CLEC12B: variants seen among roughly 807,000 people sequenced by gnomAD.
CLEC12B encodes the protein macrophage antigen h.
In CLEC12B, 25 loss-of-function variants were observed where a neutral mutation model predicts 36.1. The observed-to-expected ratio is 0.69, with a 90% confidence interval of 0.50 to 0.97. CLEC12B has a LOEUF of 0.97. Among genes scored for constraint, CLEC12B ranks in the 50% least tolerant of loss-of-function variants. CLEC12B has a pLI of 0.00. For missense variants in CLEC12B, 325 were observed against 318.4 expected (o/e 1.02, Z -0.16); for synonymous variants, 110 against 108.5 (o/e 1.01, Z -0.09).
In CLEC12B at chr12:10,017,851, T is replaced by C. The variant is rs556532472; in HGVS notation, c.681-480T>C. 1.9e-5 allele frequency: 18 copies of C among 971,912 alleles called. No homozygotes were observed. In the East Asian group the frequency reaches 9.1e-4, roughly 49 times the overall value. The allele number at this position is 971,912 out of a possible 1,614,324, so 60.2% of individuals were successfully genotyped here. On this transcript the variant is annotated intron_variant, in intron 5 of 5. Transcript: ENST00000338896. The stretch of plus-strand genomic sequence containing the variant: ...TATCTATATAGTCAATCATTTCCTC[T>C]TTTAACGTCTGTCTTGTTCTCTTTT...
rs767598966 is a variant in CLEC12B at position 10,012,855 on chromosome 12, G to A, written c.162G>A (p.Leu54=). ...LGLVTLCLML[L]IGLVTLGMMF... ...TGGTAACTCTTTGCCTGATGTTGCT[G>A]ATTGGGCTGGTGACATTGGGGATGA... The change falls in exon 2 of 6, where the codon CTG becomes CTA. Residue 54 remains leucine (L), a synonymous_variant. Transcript: ENST00000338896. 2 of 1,613,716 alleles carry A rather than the reference G, an allele frequency of 1.2e-6. No individual in the cohort carries two copies. Among genetic ancestry groups the A allele is most frequent in the Non-Finnish European group, 1.7e-6 (2 of 1,179,686 alleles).
intron 3 of CLEC12B, 109 bp downstream of exon 3, chr12:10,014,850 C>A (rs1236939840): frequency 2.8e-6 from 2 of 719,148 alleles, no homozygotes; most frequent in Non-Finnish European, 4.7e-6. Flanking sequence ...ATCCAGTGAA[C>A]CTTAATGATG....
At chr12:10,015,856 T>C in intron 5 of CLEC12B, 129 bp downstream of exon 5, 1 of 1,499,392 alleles carries the variant, frequency 6.7e-7, no homozygotes, top group Non-Finnish European at 8.9e-7. Context: ...AGAGCTCCAG[T>C]AACAAATATT....
At chr12:10,009,561 G>GA (rs61525971), upstream of CLEC12B, among the ~76,000 whole-genome samples, 35,487 of 133,004 alleles carry the variant, frequency 0.27, 4,654 homozygotes, top group East Asian at 0.51. Flanking sequence ...TCATCAATTT[G>GA]AAAAAAAAAA....
chr12:10,012,815 A>C lies in CLEC12B; in HGVS notation c.122A>C (p.His41Pro), dbSNP rs745402092. The C allele has an allele frequency of 1.2e-6, 2 of 1,613,772 alleles. No homozygotes were observed. Among genetic ancestry groups the C allele is most frequent in the South Asian group, 2.2e-5 (2 of 91,066 alleles). Reference sequence around the variant, plus strand: ...CCAGCTCCATCTCCCATTTGGCGTCATGCTGCTCTGGGTCTGGTAACTCTT... The same window carrying C: ...CCAGCTCCATCTCCCATTTGGCGTCCTGCTGCTCTGGGTCTGGTAACTCTT... ...GHPAPSPIWRHAALGLVTLCL... is the reference protein window; with the variant it reads ...GHPAPSPIWRPAALGLVTLCL... Residue 41 changes from histidine to proline, a missense_variant, in exon 2 of 6, where the codon CAT becomes CCT. By Grantham distance (77) the His-to-Pro change is moderately conservative (BLOSUM62 -2). Transcript: ENST00000338896.
In CLEC12B at chr12:10,018,436, T is replaced by C. The variant is rs929738006; in HGVS notation, c.786T>C (p.Ile262=). Residue 262 remains isoleucine, a synonymous_variant, in exon 6 of 6, where the codon ATT becomes ATC. Coordinates refer to ENST00000338896, the MANE Select transcript of CLEC12B (RefSeq NM_001129998.3). ...GCTGTAGTGCTGAAATTTTTTGGAT[T>C]TGCGAGAAGACAGCTGCCCCAGTGA... ...ISRCSAEIFW[I]CEKTAAPVKT... 1.9e-6 allele frequency: 3 copies of C among 1,550,988 alleles called. No individual in the cohort carries two copies. In the East Asian group the frequency reaches 7.3e-5, roughly 38 times the overall value.
intron 1 of CLEC12B, 54 bp from the exon 2 acceptor site, chr12:10,012,731 T>C: frequency 1.4e-6 from 2 of 1,403,584 alleles, no homozygotes; most frequent in Non-Finnish European, 1.0e-6. Context: ...CAAACCAAAG[T>C]GAAACAAGCA....
At chr12:10,007,563 C>T (rs1294237313), upstream of CLEC12B, among the ~76,000 whole-genome samples, 1 of 151,876 alleles carries the variant, frequency 6.6e-6, no homozygotes, top group African/African-American at 2.4e-5. Context: ...CCAGGTTATC[C>T]GTTTAGTTTG....
intron 1 of CLEC12B, among the ~76,000 whole-genome samples, chr12:10,011,684 G>A (rs576511214): frequency 6.6e-6 from 1 of 152,112 alleles, no homozygotes; most frequent in Non-Finnish European, 1.5e-5. Flanking sequence ...TAACTATCCA[G>A]GTTCTCCTGA....
chr12:10,010,585 C>G (rs74336615), upstream of CLEC12B: 4 of 494,906 alleles, frequency 8.1e-6, no homozygotes. Flanking sequence ...GCTTTTCTCA[C>G]TTTCTCTGTA....
Position 10,015,266 on chromosome 12 carries a change from C to A in CLEC12B, c.424C>A (p.Pro142Thr). The A allele has an allele frequency of 6.2e-7, 1 of 1,612,384 alleles. No individual in the cohort carries two copies. The highest frequency in any genetic ancestry group is 2.2e-5 in the East Asian group (1 of 44,856). ...IIHTSDHRCN[P>T]CPKMWQWYQN... ...TTCCTTTTCAGACCACAGATGTAAT[C>A]CATGTCCTAAGATGTGGCAATGGTA... Residue 142 changes from proline (P) to threonine (T), a missense_variant, in exon 4 of 6, where the codon CCA becomes ACA. Coordinates refer to ENST00000338896, the MANE Select transcript of CLEC12B (RefSeq NM_001129998.3).
chr12:10,007,249 T>C (rs1865241051), upstream of CLEC12B, among the ~76,000 whole-genome samples: 1 of 151,752 alleles, frequency 6.6e-6, no homozygotes, highest in African/African-American at 2.4e-5. Flanking sequence ...TGTTTTAATA[T>C]AGGAGATATT....
chr12:10,010,695 C>T lies in CLEC12B; in HGVS notation c.-65C>T. 1.9e-6 allele frequency: 2 copies of T among 1,049,206 alleles called. No homozygotes were observed. The highest frequency in any genetic ancestry group is 2.9e-6 in the Non-Finnish European group (2 of 694,622). The allele number at this position is 1,049,206 out of a possible 1,614,324, so 65.0% of individuals were successfully genotyped here. A position where few individuals can be genotyped will look rare whatever the true frequency, so the allele number is the denominator to read the frequency against. ...AGCTCCCAGCCTTGAAAAACACATG[C>T]TGTTCCCAGGCCTCAAGATATTGAA... On this transcript the variant is annotated 5_prime_UTR_variant, in exon 1 of 6. Coordinates refer to ENST00000338896, the MANE Select transcript of CLEC12B (RefSeq NM_001129998.3).
At position 10,012,826 on chromosome 12, in the gene CLEC12B, G is replaced by A. The variant is rs775214091; in HGVS notation, c.133G>A (p.Gly45Ser). ...PSPIWRHAAL[G>S]LVTLCLMLLI... ...TCCCATTTGGCGTCATGCTGCTCTG[G>A]GTCTGGTAACTCTTTGCCTGATGTT... Residue 45 changes from glycine (G) to serine (S), a missense_variant, in exon 2 of 6, where the codon GGT (glycine) becomes AGT (serine). Physicochemically the swap from Gly to Ser is moderately conservative, Grantham distance 56. Coordinates refer to ENST00000338896, the MANE Select transcript of CLEC12B (RefSeq NM_001129998.3). 1.6e-5 allele frequency: 26 copies of A among 1,613,738 alleles called. No homozygotes were observed. The highest frequency in any genetic ancestry group is 2.0e-5 in the Non-Finnish European group (24 of 1,179,844).
chr12:10,011,950 A>C (rs1350406784), intron 1 of CLEC12B, among the ~76,000 whole-genome samples: 2 of 152,206 alleles, frequency 1.3e-5, no homozygotes, highest in African/African-American at 2.4e-5. Flanking sequence ...TGCTGTATCT[A>C]AAACATTGCG....
In CLEC12B at chr12:10,015,314, A is replaced by G; in HGVS notation, c.472A>G (p.Thr158Ala). 6.2e-7 allele frequency: 1 copy of G among 1,613,310 alleles called. No homozygotes were observed. Among genetic ancestry groups the G allele is most frequent in the Non-Finnish European group, 8.5e-7 (1 of 1,179,360 alleles). Reference protein sequence around the residue: ...QWYQNSCYYFTTNEEKTWANS... With the variant: ...QWYQNSCYYFATNEEKTWANS... Reference sequence around the variant, plus strand: ...GTACCAAAATAGTTGCTACTATTTTACAACAAATGAGGAGAAAACCTGGGC... The same window carrying G: ...GTACCAAAATAGTTGCTACTATTTTGCAACAAATGAGGAGAAAACCTGGGC... The change falls in exon 4 of 6, where the codon ACA becomes GCA. Residue 158 changes from threonine (T) to alanine (A), a missense_variant. Thr to Ala is a moderately conservative substitution (Grantham distance 58, BLOSUM62 0). Transcript: ENST00000338896.
Position 10,010,852 on chromosome 12 carries a change from T to C in CLEC12B, c.91+2T>C, listed in dbSNP as rs148958407. The C allele has an allele frequency of 1.7e-4, 267 of 1,600,864 alleles. 2 individuals carry two copies. The African/African-American group carries it at 3.2e-3, about 19-fold the overall frequency. On this transcript the variant is annotated splice_donor_variant, in intron 1 of 5. Transcript: ENST00000338896. LOFTEE classifies it high-confidence loss of function. ...ATGGAAATAACCTAAGAAAAAGAGG[T>C]AGGAGTTCAGAGAAGACCAGCTGTG...
At chr12:10,016,080 C>A in intron 5 of CLEC12B, 1 of 703,738 alleles carries the variant, frequency 1.4e-6, no homozygotes, top group Non-Finnish European at 1.8e-6. Flanking sequence ...TGCCTGAGGT[C>A]ACTCAGCTCA....
chr12:10,016,814 C>G (rs1194202624), intron 5 of CLEC12B: 1 of 192,760 alleles, frequency 5.2e-6, no homozygotes, highest in East Asian at 1.9e-4. Context: ...GTGAAATGTA[C>G]AGTAGATTAT....
Sources: gnomAD v4.1 joint callset for allele counts (sites outside exome capture counted in the v4.1 genomes callset) on GRCh38, gnomAD v4.1.1 for gene constraint, MANE v1.5 for transcripts, NCBI Gene and HGNC (gene_info 2026-07-23, HGNC 2026-07-21) for gene names.